The following TFB2M variants were observed in gnomAD, a reference collection of about 807,000 sequenced individuals.
The protein encoded by TFB2M is dimethyladenosine transferase 2, mitochondrial.
TFB2M carries 44 observed loss-of-function variants against 41.3 expected under a neutral mutation model. The observed-to-expected ratio is 1.07, with a 90% CI of 0.84 to 1.37. The LOEUF (loss-of-function observed/expected upper bound fraction) is 1.37, where lower values mean the gene tolerates loss of function less well. Among genes scored for constraint, TFB2M ranks in the 40% most tolerant of loss-of-function variants. The pLI is 0.00. For synonymous variants in TFB2M, 188 were observed against 176.8 expected (o/e 1.06, Z -0.50); for missense variants, 496 against 490.2 (o/e 1.01, Z -0.11).
Position 246,561,378 on chromosome 1 carries a change from CTATCA to C in TFB2M, c.402+2963_402+2967del, listed in dbSNP as rs1205546301. Among the ~76,000 whole-genome samples, 42 of 152,226 alleles carry C rather than the reference CTATCA, an allele frequency of 2.8e-4. No homozygotes were observed. In the South Asian group the frequency reaches 5.6e-3, roughly 20 times the overall value. On this transcript the variant is annotated intron_variant, in intron 2 of 7. Transcript: ENST00000366514. ...CAGAAACATTTTGTTATTGATATTC[CTATCA>C]TAATTATTGTTTCAAAAATTCTCTA...
chr1:246,564,291 C>G, intron 2 of TFB2M, 55 bp downstream of exon 2: 1 of 1,483,628 alleles, frequency 6.7e-7, no homozygotes, highest in Non-Finnish European at 9.4e-7. Flanking sequence ...TTTCCTTAAA[C>G]CACTCACAGA....
intron 2 of TFB2M, among the ~76,000 whole-genome samples, chr1:246,560,238 C>T (rs569406515): frequency 1.3e-5 from 2 of 152,250 alleles, no homozygotes; most frequent in South Asian, 4.1e-4. Flanking sequence ...TTCAAGTTAT[C>T]AAAAAGGCAG....
At chr1:246,563,604 T>TAA (rs755009707) in intron 2 of TFB2M, among the ~76,000 whole-genome samples, 9 of 138,244 alleles carry the variant, frequency 6.5e-5, no homozygotes, top group South Asian at 4.6e-4. Context: ...AACTCCATCT[T>TAA]AAAAAAAAAA....
chr1:246,559,344 T>A (rs1659397935), intron 2 of TFB2M, among the ~76,000 whole-genome samples: 1 of 151,720 alleles, frequency 6.6e-6, no homozygotes, highest in South Asian at 2.1e-4. Flanking sequence ...AGGTCAGGAG[T>A]TTGAGATGAG....
chr1:246,557,540 G>A lies in TFB2M; in HGVS notation c.403-6C>T, dbSNP rs1558513649. The A allele has an allele frequency of 8.2e-6, 13 of 1,582,624 alleles. No individual in the cohort carries two copies. The highest frequency in any genetic ancestry group is 3.8e-5 in the Admixed American group (2 of 53,258). Reference sequence around the variant, plus strand: ...TCCAGATTTTTTCCTAAGGACTAAAGAGAGACAAAGATAACACGTTAAAAA... The same window carrying A: ...TCCAGATTTTTTCCTAAGGACTAAAAAGAGACAAAGATAACACGTTAAAAA... On this transcript the variant is annotated splice_region_variant and splice_polypyrimidine_tract_variant and intron_variant, in intron 2 of 7. Coordinates refer to ENST00000366514, the MANE Select transcript of TFB2M (RefSeq NM_022366.3).
chr1:246,562,216 T>C (rs556871290), intron 2 of TFB2M, among the ~76,000 whole-genome samples: 6 of 152,348 alleles, frequency 3.9e-5, no homozygotes, highest in Admixed American at 2.6e-4. Context: ...ACAGCCATTC[T>C]GCATGGTTTC....
Position 246,551,143 on chromosome 1 carries a change from C to G in TFB2M, c.795+70G>C. ...CAAGCTATGATTGTGCCACTGCACT[C>G]CAGCCTGGGCAACATAATGAGACCC... On this transcript the variant is annotated intron_variant, in intron 5 of 7. Coordinates refer to ENST00000366514, the MANE Select transcript of TFB2M (RefSeq NM_022366.3). 8 of 1,241,130 alleles carry G rather than the reference C, an allele frequency of 6.4e-6. No individual in the cohort carries two copies. In the South Asian group the frequency reaches 9.7e-5, roughly 15 times the overall value. 76.9% of individuals were successfully genotyped at this position (1,241,130 alleles called of 1,614,324 possible). A position where few individuals can be genotyped will look rare whatever the true frequency, so the allele number is the denominator to read the frequency against.
chr1:246,545,304 G>A (rs1658984553), intron 6 of TFB2M, among the ~76,000 whole-genome samples: 1 of 152,054 alleles, frequency 6.6e-6, no homozygotes, highest in Non-Finnish European at 1.5e-5. Flanking sequence ...GCCAAGGCGT[G>A]GATCACTCGA....
intron 4 of TFB2M, among the ~76,000 whole-genome samples, chr1:246,554,057 T>G (rs1659253029): frequency 1.3e-5 from 2 of 152,206 alleles, no homozygotes; most frequent in South Asian, 4.1e-4. Flanking sequence ...GTCAAATCAT[T>G]TCTGACACCA....
At chr1:246,556,029 G>A (rs970794955) in intron 4 of TFB2M, among the ~76,000 whole-genome samples, 6 of 152,182 alleles carry the variant, frequency 3.9e-5, no homozygotes, top group South Asian at 2.1e-4. Context: ...GACCTCAAGC[G>A]ATCAGCATGC....
intron 6 of TFB2M, among the ~76,000 whole-genome samples, chr1:246,545,812 G>GGAA (rs1659003885): frequency 1.9e-5 from 1 of 52,708 alleles, no homozygotes; most frequent in Non-Finnish European, 3.7e-5. Flanking sequence ...ACCCTGATTC[G>GGAA]AAAAAAAAAA....
At chr1:246,560,256 T>C (rs1659421139) in intron 2 of TFB2M, among the ~76,000 whole-genome samples, 1 of 152,226 alleles carries the variant, frequency 6.6e-6, no homozygotes, top group Non-Finnish European at 1.5e-5. Context: ...CAGTTTAATC[T>C]TTGTAATTAA....
chr1:246,548,187 C>T (rs552200488), intron 6 of TFB2M, among the ~76,000 whole-genome samples: 218 of 152,242 alleles, frequency 1.4e-3, no homozygotes, highest in Non-Finnish European at 2.5e-3. Flanking sequence ...CCTTGAATAT[C>T]ACAAATTTCT....
intron 1 of TFB2M, 73 bp downstream of exon 1, chr1:246,565,753 A>G: frequency 2.7e-6 from 4 of 1,479,752 alleles, no homozygotes; most frequent in Non-Finnish European, 3.7e-6. Flanking sequence ...TATCTAAAAT[A>G]GCACCCCGAG....
chr1:246,561,074 G>C lies in TFB2M; in HGVS notation c.402+3272C>G, dbSNP rs187979194. Among the ~76,000 whole-genome samples the C allele has an allele frequency of 1.5e-3, 231 of 152,326 alleles. 7 individuals carry two copies. In the South Asian group the frequency reaches 0.03, roughly 20 times the overall value. ...CCAGAAGCATTATCCGCTAAGCGCAGCACTTTAAGTCCCTGACTTAGAGCC... is the reference window on the plus strand; with the variant it reads ...CCAGAAGCATTATCCGCTAAGCGCACCACTTTAAGTCCCTGACTTAGAGCC... On this transcript the variant is annotated intron_variant, in intron 2 of 7. Transcript: ENST00000366514.
intron 2 of TFB2M, among the ~76,000 whole-genome samples, chr1:246,563,788 G>C (rs1007454264): frequency 4.6e-5 from 7 of 152,032 alleles, no homozygotes; most frequent in African/African-American, 1.7e-4. Flanking sequence ...GATGTATATG[G>C]AACAAAAAAG....
At position 246,557,405 on chromosome 1, in the gene TFB2M, T is replaced by C; in HGVS notation, c.532A>G (p.Ile178Val). ...SSRGLFKNLG[I>V]EAVPWTADIP... The stretch of plus-strand genomic sequence containing the variant: ...CCTGCTGTCCAAGGAACTGCTTCTA[T>C]TCCCAAATTCTTAAAGAGCCCTCGA... Residue 178 changes from isoleucine (I) to valine (V), a missense_variant, in exon 3 of 8, where the codon ATA (isoleucine) becomes GTA (valine). Ile to Val is a conservative substitution (Grantham distance 29). Coordinates refer to ENST00000366514, the MANE Select transcript of TFB2M (RefSeq NM_022366.3). The C allele has an allele frequency of 6.2e-7, 1 of 1,612,640 alleles. No homozygotes were observed. The highest frequency in any genetic ancestry group is 1.1e-5 in the South Asian group (1 of 90,544).
chr1:246,566,259 A>G lies in TFB2M; in HGVS notation c.-121T>C. 2.0e-6 allele frequency: 2 copies of G among 984,744 alleles called. No individual in the cohort carries two copies. The allele number at this position is 984,744 out of a possible 1,614,324, so 61.0% of individuals were successfully genotyped here. A position where few individuals can be genotyped will look rare whatever the true frequency, so the allele number is the denominator to read the frequency against. ...CGGGCCAGGTCAAGCGGAAGTAAAC[A>G]CTAGAGCCTGCGCATGCGAACAGCG... On this transcript the variant is annotated 5_prime_UTR_variant, in exon 1 of 8. Transcript: ENST00000366514.
At chr1:246,544,866 C>T (rs770512164) in intron 6 of TFB2M, among the ~76,000 whole-genome samples, 185 bp from the exon 7 acceptor site, 2 of 152,136 alleles carry the variant, frequency 1.3e-5, no homozygotes, top group South Asian at 2.1e-4. Context: ...AGTACAACGG[C>T]GTGATCTCCA....
Sources: gnomAD v4.1 joint callset for allele counts (sites outside exome capture counted in the v4.1 genomes callset) on GRCh38, gnomAD v4.1.1 for gene constraint, MANE v1.5 for transcripts, NCBI Gene and HGNC (gene_info 2026-07-23, HGNC 2026-07-21) for gene names.